Variants in TRAF1 observed in about 807,000 individuals in gnomAD.
The protein encoded by TRAF1 is TNF receptor-associated factor 1.
In TRAF1, 23 loss-of-function variants were observed where a neutral mutation model predicts 40.9. The observed-to-expected ratio is 0.56, with a 90% CI of 0.40 to 0.80. The LOEUF (loss-of-function observed/expected upper bound fraction) is 0.80, where lower values mean the gene tolerates loss of function less well. TRAF1 is among the 30% of genes least tolerant of loss of function. The pLI is 0.00. For synonymous variants in TRAF1, 206 were observed against 218.8 expected, an observed-to-expected ratio of 0.94 and a Z score of 0.52; for missense variants, 477 against 528.7, an observed-to-expected ratio of 0.90 and a Z score of 0.96.
chr9:120,922,765 T>C (rs1057452797), intron 3 of TRAF1, among the ~76,000 whole-genome samples: 2 of 152,216 alleles, frequency 1.3e-5, no homozygotes, highest in African/African-American at 4.8e-5. Flanking sequence ...AAGGGGTGGA[T>C]AGTAAATATT....
At chr9:120,926,955 C>T (rs1196263805), upstream of TRAF1, 1 of 152,238 alleles carries the variant, frequency 6.6e-6, no homozygotes, top group Non-Finnish European at 1.5e-5. Flanking sequence ...GTCTCAGCAT[C>T]CAAGTGGGAT....
chr9:120,920,611 A>G (rs2046598648), intron 3 of TRAF1, among the ~76,000 whole-genome samples: 1 of 152,160 alleles, frequency 6.6e-6, no homozygotes, highest in Non-Finnish European at 1.5e-5. Flanking sequence ...CCCCTCCTTC[A>G]CTGTCACTTC....
intron 5 of TRAF1, among the ~76,000 whole-genome samples, chr9:120,912,763 C>T (rs1433798015): frequency 6.6e-6 from 1 of 152,232 alleles, no homozygotes; most frequent in African/African-American, 2.4e-5. Context: ...TATCTGGAGT[C>T]AGCCTGGTAC....
chr9:120,906,775 T>C (rs1366636552), intron 7 of TRAF1, among the ~76,000 whole-genome samples: 1 of 152,234 alleles, frequency 6.6e-6, no homozygotes, highest in African/African-American at 2.4e-5. Flanking sequence ...CAGAATAGTT[T>C]CACTGCTCCC....
chr9:120,914,688 A>G (rs775303704), intron 3 of TRAF1: 3 of 537,166 alleles, frequency 5.6e-6, no homozygotes, highest in Non-Finnish European at 7.2e-6. Context: ...CACTGACTGC[A>G]TGAGTAAATG....
At chr9:120,914,159 G>C in intron 4 of TRAF1, 76 bp downstream of exon 4, 1 of 1,265,930 alleles carries the variant, frequency 7.9e-7, no homozygotes, top group East Asian at 2.6e-5. Flanking sequence ...GAAAATCATG[G>C]AGGGGCTGCA....
chr9:120,908,114 T>C (rs1286290712), intron 7 of TRAF1, among the ~76,000 whole-genome samples: 1 of 151,870 alleles, frequency 6.6e-6, no homozygotes, highest in Non-Finnish European at 1.5e-5. Flanking sequence ...TAAAATATTT[T>C]TAATGCCTAC....
chr9:120,905,115 G>A lies in TRAF1; in HGVS notation c.1156C>T (p.Leu386Phe), dbSNP rs752893475. 1 of 1,614,154 alleles carries A rather than the reference G, an allele frequency of 6.2e-7. No homozygotes were observed. The highest frequency in any genetic ancestry group is 1.3e-5 in the African/African-American group (1 of 74,948). Residue 386 changes from leucine (L) to phenylalanine (F), a missense_variant, in exon 8 of 8, where the codon CTC (leucine) becomes TTC (phenylalanine). By Grantham distance (22) the Leu-to-Phe change is conservative. Coordinates refer to ENST00000373887, the MANE Select transcript of TRAF1 (RefSeq NM_005658.5). ...TGCAGTTTGCTGAGGGGGAAGAAGA[G>A]TGGGCATCCACTGGCCACGTTGGTT... ...SETNVASGCP[L>F]FFPLSKLQSP...
chr9:120,923,876 A>G, intron 2 of TRAF1, 84 bp from the exon 3 acceptor site: 1 of 1,244,018 alleles, frequency 8.0e-7, no homozygotes, highest in Admixed American at 1.7e-5. Flanking sequence ...AGAAGCCTCA[A>G]CTATCAGCAG....
chr9:120,924,766 C>T (rs940947699), intron 2 of TRAF1, among the ~76,000 whole-genome samples: 17 of 152,190 alleles, frequency 1.1e-4, no homozygotes, highest in African/African-American at 3.9e-4. Flanking sequence ...CTACCGCTAC[C>T]GAGATAGTCT....
chr9:120,911,252 A>G, intron 6 of TRAF1, 84 bp downstream of exon 6: 2 of 1,467,002 alleles, frequency 1.4e-6, no homozygotes, highest in Non-Finnish European at 9.2e-7. Flanking sequence ...TCTGTCACAG[A>G]GCTGGCAGTT....
In TRAF1 at chr9:120,914,335, C is replaced by T. The variant is rs372950198; in HGVS notation, c.229-35G>A. Reference sequence around the variant, plus strand: ...ATAATCACATCACTGAATGTTATAGCGATCCCTGTGGCTACCCTGGGGCTC... The same window carrying T: ...ATAATCACATCACTGAATGTTATAGTGATCCCTGTGGCTACCCTGGGGCTC... On this transcript the variant is annotated intron_variant, in intron 3 of 7. Transcript: ENST00000373887. The T allele has an allele frequency of 4.8e-4, 690 of 1,434,636 alleles. 1 individual carries two copies. The highest frequency in any genetic ancestry group is 6.0e-4 in the Non-Finnish European group (646 of 1,079,266). The allele number at this position is 1,434,636 out of a possible 1,614,324, so 88.9% of individuals were successfully genotyped here.
At chr9:120,919,696 G>A (rs1014057782) in intron 3 of TRAF1, among the ~76,000 whole-genome samples, 2 of 152,198 alleles carry the variant, frequency 1.3e-5, no homozygotes, top group Non-Finnish European at 2.9e-5. Flanking sequence ...CTCTCTGTCA[G>A]CCTCTGCTCA....
chr9:120,912,017 C>G (rs1458673668), intron 5 of TRAF1, among the ~76,000 whole-genome samples: 1 of 152,166 alleles, frequency 6.6e-6, no homozygotes, highest in Non-Finnish European at 1.5e-5. Context: ...CTCAGCCACT[C>G]CAACTCAGCG....
chr9:120,917,500 T>G (rs2046577011), intron 3 of TRAF1, among the ~76,000 whole-genome samples: 1 of 152,200 alleles, frequency 6.6e-6, no homozygotes, highest in African/African-American at 2.4e-5. Flanking sequence ...GCACTGGTAT[T>G]AGTTACCCAT....
intron 5 of TRAF1, among the ~76,000 whole-genome samples, chr9:120,913,011 G>A (rs2046540052): frequency 6.6e-6 from 1 of 152,144 alleles, no homozygotes; most frequent in Non-Finnish European, 1.5e-5. Context: ...GAAGAGACAG[G>A]CTGATTTTAG....
At position 120,904,820 on chromosome 9, in the gene TRAF1, C is replaced by G. The variant is rs1183615855; in HGVS notation, c.*200G>C. 8 of 615,156 alleles carry G rather than the reference C, an allele frequency of 1.3e-5. No homozygotes were observed. The highest frequency in any genetic ancestry group is 1.2e-4 in the Admixed American group (4 of 33,900). 38.1% of individuals were successfully genotyped at this position (615,156 alleles called of 1,614,324 possible). On this transcript the variant is annotated 3_prime_UTR_variant, in exon 8 of 8. Coordinates refer to ENST00000373887, the MANE Select transcript of TRAF1 (RefSeq NM_005658.5). ...CAGCTCTGCCTGTCTCCTTCTGGACCCTTTGCCTTTGTGGGCCCAGCCCAC... is the reference window on the plus strand; with the variant it reads ...CAGCTCTGCCTGTCTCCTTCTGGACGCTTTGCCTTTGTGGGCCCAGCCCAC...
intron 3 of TRAF1, among the ~76,000 whole-genome samples, chr9:120,923,104 G>A (rs892062417): frequency 6.6e-6 from 1 of 152,144 alleles, no homozygotes; most frequent in Non-Finnish European, 1.5e-5. Context: ...CTCCCAAAGT[G>A]TTAGAATTAC....
intron 5 of TRAF1, among the ~76,000 whole-genome samples, chr9:120,911,721 G>A (rs560160225): frequency 1.3e-5 from 2 of 152,252 alleles, no homozygotes; most frequent in African/African-American, 4.8e-5. Context: ...CCCTCATCTG[G>A]GAAGCCTTCA....
Sources: gnomAD v4.1 joint callset for allele counts (sites outside exome capture counted in the v4.1 genomes callset) on GRCh38, gnomAD v4.1.1 for gene constraint, MANE v1.5 for transcripts, NCBI Gene and HGNC (gene_info 2026-07-23, HGNC 2026-07-21) for gene names.